Variants in KCNMA1 observed in about 807,000 individuals in gnomAD.
The protein encoded by KCNMA1 is potassium calcium-activated channel subfamily M alpha 1, also known as Calcium-activated potassium channel subunit alpha-1.
In KCNMA1, 29 loss-of-function variants were observed where a neutral mutation model predicts 140.0. The observed-to-expected ratio is 0.21, with a 90% CI of 0.15 to 0.28. The LOEUF (loss-of-function observed/expected upper bound fraction) is 0.28, where lower values mean the gene tolerates loss of function less well. Among genes scored for constraint, KCNMA1 ranks in the 10% least tolerant of loss-of-function variants. The pLI, the probability that KCNMA1 is intolerant of heterozygous loss-of-function variation, is 1.00. For synonymous variants in KCNMA1, 612 were observed against 611.9 expected (o/e 1.00, Z 0.00); for missense variants, 880 against 1,602.2 (o/e 0.55, Z 7.70).
chr10:77,461,602 C>T (rs963207150), intron 1 of KCNMA1, among the ~76,000 whole-genome samples: 21 of 152,138 alleles, frequency 1.4e-4, no homozygotes, highest in Admixed American at 1.2e-3. Flanking sequence ...TGATTTAGGG[C>T]TGGACTAGGT....
intron 2 of KCNMA1, among the ~76,000 whole-genome samples, chr10:77,326,938 C>T (rs1463360267): frequency 1.3e-5 from 2 of 152,084 alleles, no homozygotes. Flanking sequence ...TACACTCCAT[C>T]CATATGGGTC....
Position 77,254,981 on chromosome 10 carries a change from G to A in KCNMA1, c.541-3725C>T, listed in dbSNP as rs115211751. On this transcript the variant is annotated intron_variant, in intron 2 of 27. Transcript: ENST00000286628. The stretch of plus-strand genomic sequence containing the variant: ...CTTGGGGGCAGCAGTGTGATACACA[G>A]ATAATTTGAGCATTGCCTCTTAGGG... Among the ~76,000 whole-genome samples, 748 of 152,330 alleles carry A rather than the reference G, an allele frequency of 4.9e-3. 3 individuals carry two copies. The highest frequency in any genetic ancestry group is 0.017 in the African/African-American group (702 of 41,572).
At chr10:77,364,869 T>C (rs1369577343) in intron 2 of KCNMA1, among the ~76,000 whole-genome samples, 3 of 151,708 alleles carry the variant, frequency 2.0e-5, no homozygotes, top group African/African-American at 7.3e-5. Flanking sequence ...TTAAACAGAG[T>C]TTTTACTGGA....
chr10:77,432,835 C>G (rs537988228), intron 1 of KCNMA1, among the ~76,000 whole-genome samples: 2 of 151,872 alleles, frequency 1.3e-5, no homozygotes, highest in Admixed American at 1.3e-4. Flanking sequence ...TACACCTGGG[C>G]GAGAGAGACT....
intron 1 of KCNMA1, among the ~76,000 whole-genome samples, chr10:77,536,584 C>A (rs1483007659): frequency 6.6e-6 from 1 of 152,108 alleles, no homozygotes; most frequent in East Asian, 1.9e-4. Flanking sequence ...TTGACTGCCT[C>A]CCCCAGGTAG....
chr10:77,136,926 G>C (rs1315090662), intron 5 of KCNMA1, among the ~76,000 whole-genome samples: 2 of 152,188 alleles, frequency 1.3e-5, no homozygotes, highest in African/African-American at 2.4e-5. Context: ...GGCTCCAGGT[G>C]AGGAGGACCC....
intron 2 of KCNMA1, among the ~76,000 whole-genome samples, chr10:77,260,356 A>G (rs183583934): frequency 6.8e-4 from 103 of 152,286 alleles, no homozygotes; most frequent in Admixed American, 1.8e-3. Context: ...GAGCCTGGAG[A>G]AAACAGGTTT....
At chr10:77,378,846 G>A (rs1197220593) in intron 2 of KCNMA1, among the ~76,000 whole-genome samples, 1 of 152,136 alleles carries the variant, frequency 6.6e-6, no homozygotes, top group African/African-American at 2.4e-5. Context: ...CAGGAAGGGT[G>A]GAATTTCAAG....
intron 14 of KCNMA1, among the ~76,000 whole-genome samples, chr10:77,040,061 T>TC (rs2094577094): frequency 6.6e-6 from 1 of 150,732 alleles, no homozygotes; most frequent in Non-Finnish European, 1.5e-5. Context: ...TTTTTTTTTT[T>TC]AAGAGACAGA....
chr10:77,027,999 G>T, intron 15 of KCNMA1, 108 bp from the exon 16 acceptor site: 1 of 981,968 alleles, frequency 1.0e-6, no homozygotes, highest in Non-Finnish European at 1.6e-6. Context: ...TTACCGAGGG[G>T]ATCCTCATTC....
chr10:77,526,001 A>C (rs1436915113), intron 1 of KCNMA1, among the ~76,000 whole-genome samples: 1 of 152,132 alleles, frequency 6.6e-6, no homozygotes, highest in African/African-American at 2.4e-5. Flanking sequence ...GGGGCTTTGG[A>C]GAAAGATTTT....
chr10:77,540,032 T>A (rs943388715), intron 1 of KCNMA1, among the ~76,000 whole-genome samples: 17 of 152,196 alleles, frequency 1.1e-4, no homozygotes, highest in African/African-American at 3.6e-4. Flanking sequence ...AACTCCACTT[T>A]ACACCTACCT....
intron 1 of KCNMA1, among the ~76,000 whole-genome samples, chr10:77,620,909 G>C (rs1239908205): frequency 6.6e-6 from 1 of 152,192 alleles, no homozygotes; most frequent in African/African-American, 2.4e-5. Flanking sequence ...TCATGACCAG[G>C]ATGTGAGTGG....
chr10:77,442,366 C>T (rs925656092), intron 1 of KCNMA1, among the ~76,000 whole-genome samples: 2 of 151,998 alleles, frequency 1.3e-5, no homozygotes, highest in Non-Finnish European at 2.9e-5. Context: ...CGCCACCTCC[C>T]CATCTAGGAT....
rs150784416 is a variant in KCNMA1, at chr10:77,603,265, C to A, written c.378+34000G>T. Among the ~76,000 whole-genome samples, 314 of 152,298 alleles carry A rather than the reference C, an allele frequency of 2.1e-3. 2 individuals are homozygous for A. Among genetic ancestry groups the A allele is most frequent in the African/African-American group, 7.0e-3 (292 of 41,562 alleles). On this transcript the variant is annotated intron_variant, in intron 1 of 27. Transcript: ENST00000286628. ...ATGCCAGCGTTCGCAGGACTTCCTG[C>A]AGAGTCAGGCTTGCACAGCTTCCTT...
At chr10:77,161,416 T>C (rs71475640) in intron 5 of KCNMA1, among the ~76,000 whole-genome samples, 15,974 of 149,150 alleles carry the variant, frequency 0.11, 1,026 homozygotes, top group Middle Eastern at 0.18. Flanking sequence ...CCCAACTACT[T>C]TTTTTTTTTG....
chr10:77,473,725 C>T (rs1391524077), intron 1 of KCNMA1, among the ~76,000 whole-genome samples: 2 of 152,124 alleles, frequency 1.3e-5, no homozygotes, highest in African/African-American at 2.4e-5. Context: ...ATCCCTGACT[C>T]GACAGAGTGA....
chr10:77,042,999 C>T (rs879519858), intron 14 of KCNMA1, among the ~76,000 whole-genome samples: 4 of 152,292 alleles, frequency 2.6e-5, no homozygotes, highest in Middle Eastern at 3.4e-3. Context: ...TATACCTGAC[C>T]ACATATATCT....
chr10:77,213,985 C>T (rs1175357030), intron 3 of KCNMA1, among the ~76,000 whole-genome samples: 2 of 152,178 alleles, frequency 1.3e-5, no homozygotes, highest in Middle Eastern at 3.4e-3. Flanking sequence ...TGCCTTGCAA[C>T]GCTCCTTGTC....
Sources: allele counts gnomAD v4.1 joint callset (sites outside exome capture counted in the v4.1 genomes callset), GRCh38; gene constraint gnomAD v4.1.1; transcripts MANE v1.5; gene names NCBI Gene and HGNC (gene_info 2026-07-23, HGNC 2026-07-21).